Variants in ACADM observed in about 807,000 individuals in gnomAD.
ACADM encodes the protein medium-chain specific acyl-CoA dehydrogenase, mitochondrial.
Under a neutral mutation model 58.9 loss-of-function variants are expected in ACADM, and 49 were observed. The ratio of observed to expected loss-of-function variants is 0.83; its 90% confidence interval spans 0.66 to 1.06. The LOEUF is 1.06. ACADM is among the 50% of genes least tolerant of loss of function. The pLI is 0.00. For synonymous variants in ACADM, 160 were observed against 157.7 expected (o/e 1.01, Z -0.11); for missense variants, 496 against 507.0 (o/e 0.98, Z 0.21).
rs761421407 is a variant in ACADM at position 75,728,492 on chromosome 1, T to A, written c.118+4T>A. 1 of 1,602,534 alleles carries A rather than the reference T, an allele frequency of 6.2e-7. No homozygotes were observed. The highest frequency in any genetic ancestry group is 8.5e-7 in the Non-Finnish European group (1 of 1,169,804). On this transcript the variant is annotated splice_donor_region_variant and intron_variant, in intron 2 of 11. Coordinates refer to ENST00000370841, the MANE Select transcript of ACADM (RefSeq NM_000016.6). Reference sequence around the variant, plus strand: ...CCAGGATTAGGATTTAGTTTTGGTATATGTTCGGTTCTATCTTTTGACTTT... The same window carrying A: ...CCAGGATTAGGATTTAGTTTTGGTAAATGTTCGGTTCTATCTTTTGACTTT...
At chr1:75,759,948 A>T (rs2788655) in intron 10 of ACADM, among the ~76,000 whole-genome samples, 1 of 151,180 alleles carries the variant, frequency 6.6e-6, no homozygotes, top group South Asian at 2.1e-4. Context: ...GGTGTAAGCC[A>T]CTGTGCCCAG....
In ACADM at chr1:75,745,932, G is replaced by A; in HGVS notation, c.708+18G>A. The A allele has an allele frequency of 6.6e-7, 1 of 1,510,160 alleles. No homozygotes were observed. Among genetic ancestry groups the A allele is most frequent in the Non-Finnish European group, 9.2e-7 (1 of 1,086,052 alleles). The allele number at this position is 1,510,160 out of a possible 1,614,324, so 93.5% of individuals were successfully genotyped here. ...GGAGAAAGGTAAAGTATTTATTAAT[G>A]ATTAGGGCCCCAAATATTATTTTAA... On this transcript the variant is annotated intron_variant, in intron 8 of 11. Coordinates refer to ENST00000370841, the MANE Select transcript of ACADM (RefSeq NM_000016.6).
At chr1:75,732,475 T>C in intron 2 of ACADM, 169 bp from the exon 3 acceptor site, 1 of 646,746 alleles carries the variant, frequency 1.5e-6, no homozygotes, top group East Asian at 2.7e-5. Flanking sequence ...CATAGGTTTA[T>C]TTATATTGTG....
chr1:75,725,244 A>AGG (rs1647033032), intron 1 of ACADM, among the ~76,000 whole-genome samples: 1 of 131,284 alleles, frequency 7.6e-6, no homozygotes, highest in Non-Finnish European at 1.6e-5. Flanking sequence ...CTTACGGGAA[A>AGG]AAAAAAAGTA....
At chr1:75,741,176 GTCTC>G (rs879523814) in intron 7 of ACADM, among the ~76,000 whole-genome samples, 1 of 152,252 alleles carries the variant, frequency 6.6e-6, no homozygotes, top group Non-Finnish European at 1.5e-5. Flanking sequence ...TAAATGACCT[GTCTC>G]TCTTTGTAAA....
intron 10 of ACADM, chr1:75,755,016 C>T (rs1358129415): frequency 6.6e-6 from 1 of 152,368 alleles, no homozygotes; most frequent in Non-Finnish European, 1.5e-5. Context: ...CCACTGCTAG[C>T]ACAGCAGTCT....
chr1:75,756,504 G>A (rs1217235477), intron 10 of ACADM, among the ~76,000 whole-genome samples: 1 of 152,066 alleles, frequency 6.6e-6, no homozygotes, highest in East Asian at 1.9e-4. Flanking sequence ...CAACTTACAA[G>A]GGATGTGAAG....
intron 7 of ACADM, chr1:75,743,918 C>A: frequency 1.3e-6 from 2 of 1,483,488 alleles, no homozygotes; most frequent in Non-Finnish European, 1.9e-6. Flanking sequence ...AAGGCTGAGG[C>A]CTTCACAGAT....
intron 7 of ACADM, chr1:75,743,752 T>G: frequency 6.4e-7 from 1 of 1,553,728 alleles, no homozygotes; most frequent in Non-Finnish European, 8.9e-7. Context: ...CTGTTCAATA[T>G]CTGCATAATT....
rs1004196882 is a variant in ACADM, at chr1:75,747,039, C to T, written c.708+1125C>T. On this transcript the variant is annotated intron_variant, in intron 8 of 11. Coordinates refer to ENST00000370841, the MANE Select transcript of ACADM (RefSeq NM_000016.6). ...ACTGCACTTGACAAAACAGATGATA[C>T]TGTTGTATGTAACAAAATATAAGAA... 4.6e-5 allele frequency among the ~76,000 whole-genome samples: 7 copies of T among 152,292 alleles called. No individual in the cohort carries two copies. In the East Asian group the frequency reaches 1.3e-3, roughly 29 times the overall value.
Position 75,733,592 on chromosome 1 carries a change from A to G in ACADM, c.351A>G (p.Thr117=). The G allele has an allele frequency of 6.2e-7, 1 of 1,614,072 alleles. No individual in the cohort carries two copies. Among genetic ancestry groups the G allele is most frequent in the African/African-American group, 1.3e-5 (1 of 75,012 alleles). ...GTGAAGAATTGGCTTATGGATGTAC[A>G]GGGGTTCAGACTGCTATTGAAGGAA... ...LISEELAYGC[T]GVQTAIEGNS... is the part of the protein sequence containing the mutation. The change falls in exon 5 of 12, where the codon ACA becomes ACG. Residue 117 remains threonine (T), a synonymous_variant. Coordinates refer to ENST00000370841, the MANE Select transcript of ACADM (RefSeq NM_000016.6).
intron 7 of ACADM, chr1:75,745,500 T>C (rs1407761334): frequency 3.5e-6 from 1 of 283,644 alleles, no homozygotes; most frequent in South Asian, 4.4e-5. Context: ...AAAAAAGTTA[T>C]GTAAATGTCC....
intron 9 of ACADM, 117 bp from the exon 10 acceptor site, chr1:75,750,334 T>C: frequency 1.2e-6 from 1 of 842,896 alleles, no homozygotes; most frequent in Non-Finnish European, 2.0e-6. Context: ...CCCCACCAGT[T>C]TCTTGTTGCT....
chr1:75,751,598 A>G (rs1648208883), intron 10 of ACADM, among the ~76,000 whole-genome samples: 1 of 151,460 alleles, frequency 6.6e-6, no homozygotes, highest in Admixed American at 6.6e-5. Context: ...TCCTGTGTTC[A>G]AGTGATTCTC....
chr1:75,727,621 CT>C (rs755256891), intron 1 of ACADM, among the ~76,000 whole-genome samples: 5 of 152,088 alleles, frequency 3.3e-5, no homozygotes, highest in Non-Finnish European at 7.4e-5. Context: ...TTATATGTTC[CT>C]TTGAAGAAAT....
At chr1:75,741,309 C>T (rs187304721) in intron 7 of ACADM, among the ~76,000 whole-genome samples, 30 of 152,190 alleles carry the variant, frequency 2.0e-4, no homozygotes, top group African/African-American at 7.0e-4. Context: ...TCAGTCAATT[C>T]CTTATGAGCA....
At position 75,763,550 on chromosome 1, in the gene ACADM, ATT is replaced by A. The variant is rs1360084204; in HGVS notation, c.*789_*790del. 1 of 152,008 alleles carries A rather than the reference ATT, an allele frequency of 6.6e-6. No homozygotes were observed. The highest frequency in any genetic ancestry group is 1.5e-5 in the Non-Finnish European group (1 of 67,988). The allele number at this position is 152,008 out of a possible 1,614,324, so 9.4% of individuals were successfully genotyped here. On this transcript the variant is annotated 3_prime_UTR_variant, in exon 12 of 12. Transcript: ENST00000370841. ...TTCATTACTTCGTGTAATAGTGTAT[ATT>A]TCTTGTATTTACTATGATGAAAAAA...
At chr1:75,746,547 T>G (rs1192047967) in intron 8 of ACADM, among the ~76,000 whole-genome samples, 1 of 151,990 alleles carries the variant, frequency 6.6e-6, no homozygotes, top group Non-Finnish European at 1.5e-5. Context: ...TAAATCACAA[T>G]TTAAAATTAT....
chr1:75,739,226 T>G (rs1189849878), intron 6 of ACADM, among the ~76,000 whole-genome samples: 3 of 152,202 alleles, frequency 2.0e-5, no homozygotes, highest in Non-Finnish European at 4.4e-5. Flanking sequence ...CCTGGGAAAC[T>G]AGTTTCTCAA....
Sources: gnomAD v4.1 joint callset for allele counts (sites outside exome capture counted in the v4.1 genomes callset) on GRCh38, gnomAD v4.1.1 for gene constraint, MANE v1.5 for transcripts, NCBI Gene and HGNC (gene_info 2026-07-23, HGNC 2026-07-21) for gene names.